The following IMMP2L variants were observed in gnomAD, a reference collection of about 807,000 sequenced individuals.
The protein encoded by IMMP2L is inner mitochondrial membrane peptidase subunit 2, also known as mitochondrial inner membrane protease subunit 2.
A neutral mutation model predicts 19.3 loss-of-function variants in IMMP2L; 18 were observed. The observed-to-expected ratio is 0.93, with a 90% CI of 0.64 to 1.38. The LOEUF is 1.38. Ranked by LOEUF, IMMP2L falls within the 40% of genes most tolerant of loss-of-function variation. The pLI is 0.00. For synonymous variants in IMMP2L, 76 were observed against 73.0 expected, an observed-to-expected ratio of 1.04 and a Z score of -0.21; for missense variants, 233 against 218.2, an observed-to-expected ratio of 1.07 and a Z score of -0.43.
At chr7:111,325,957 A>G (rs951848843) in intron 3 of IMMP2L, among the ~76,000 whole-genome samples, 4 of 151,750 alleles carry the variant, frequency 2.6e-5, no homozygotes, top group Non-Finnish European at 4.4e-5. Flanking sequence ...AGTTTTGCCT[A>G]TAACTGAATT....
At chr7:111,496,909 G>C (rs955225524) in intron 2 of IMMP2L, among the ~76,000 whole-genome samples, 1 of 152,064 alleles carries the variant, frequency 6.6e-6, no homozygotes, top group African/African-American at 2.4e-5. Context: ...TAGATAGATA[G>C]ATAGATAGAT....
intron 3 of IMMP2L, among the ~76,000 whole-genome samples, chr7:111,215,985 T>A (rs1811884439): frequency 6.6e-6 from 1 of 152,200 alleles, no homozygotes; most frequent in African/African-American, 2.4e-5. Flanking sequence ...CTCTTGAAAT[T>A]CATACTTGTT....
intron 3 of IMMP2L, among the ~76,000 whole-genome samples, chr7:111,055,303 A>T (rs893842042): frequency 6.6e-6 from 1 of 152,222 alleles, no homozygotes; most frequent in South Asian, 2.1e-4. Flanking sequence ...TCAGCCTCCC[A>T]AAGTGCTAAG....
chr7:111,263,644 C>A (rs1462420532), intron 3 of IMMP2L, among the ~76,000 whole-genome samples: 1 of 152,028 alleles, frequency 6.6e-6, no homozygotes, highest in Admixed American at 6.6e-5. Flanking sequence ...ATTTTTAAAC[C>A]ACAAGCCTGG....
At chr7:111,371,125 C>G (rs925370975) in intron 3 of IMMP2L, among the ~76,000 whole-genome samples, 1 of 151,880 alleles carries the variant, frequency 6.6e-6, no homozygotes, top group Non-Finnish European at 1.5e-5. Context: ...TAAGGAAGAA[C>G]AGAATATAGC....
chr7:110,728,237 G>A lies in IMMP2L; in HGVS notation c.409-64516C>T, dbSNP rs1031387347. On this transcript the variant is annotated intron_variant, in intron 5 of 5. Coordinates refer to ENST00000405709, the MANE Select transcript of IMMP2L (RefSeq NM_032549.4). This position sits in a 1 kb window ranked among gnomAD's most constrained non-coding sequence, Gnocchi z 4.6. ...AAGGCGACTGGGAGTGGTGGTTCACGCCTGTAATCCCAGCAGGTTGGGAAG... is the reference window on the plus strand; with the variant it reads ...AAGGCGACTGGGAGTGGTGGTTCACACCTGTAATCCCAGCAGGTTGGGAAG... Among the ~76,000 whole-genome samples the A allele has an allele frequency of 3.3e-5, 5 of 152,116 alleles. No homozygotes were observed. The highest frequency in any genetic ancestry group is 1.2e-4 in the African/African-American group (5 of 41,432).
chr7:110,902,673 C>T (rs1461814028), intron 4 of IMMP2L, among the ~76,000 whole-genome samples: 1 of 38,118 alleles, frequency 2.6e-5, no homozygotes, highest in Non-Finnish European at 4.4e-5. Flanking sequence ...GCCTGTAATC[C>T]CAGCACTTTG....
At chr7:111,536,206 A>C (rs771647717) in intron 1 of IMMP2L, among the ~76,000 whole-genome samples, 1 of 152,182 alleles carries the variant, frequency 6.6e-6, no homozygotes, top group Non-Finnish European at 1.5e-5. Flanking sequence ...TCAAAAGGTA[A>C]ATCAGGTAAT....
chr7:111,354,480 G>A (rs996277111), intron 3 of IMMP2L, among the ~76,000 whole-genome samples: 8 of 151,342 alleles, frequency 5.3e-5, no homozygotes, highest in Non-Finnish European at 7.4e-5. Flanking sequence ...GGAGCCTAAG[G>A]GAAATATTAC....
chr7:111,221,425 T>C (rs751255427), intron 3 of IMMP2L, among the ~76,000 whole-genome samples: 26 of 152,016 alleles, frequency 1.7e-4, no homozygotes, highest in African/African-American at 3.9e-4. Flanking sequence ...ATTTCAAAAG[T>C]AGCTTGTTTT....
intron 3 of IMMP2L, among the ~76,000 whole-genome samples, chr7:111,241,368 T>A (rs1042425212): frequency 6.6e-6 from 1 of 152,010 alleles, no homozygotes; most frequent in Non-Finnish European, 1.5e-5. Context: ...TGATTTGCTT[T>A]GTAAAAATTT....
chr7:110,827,479 C>T (rs1803602152), intron 5 of IMMP2L, among the ~76,000 whole-genome samples: 1 of 152,188 alleles, frequency 6.6e-6, no homozygotes. Flanking sequence ...GCCTGAGCCC[C>T]ATGATGAGGA....
intron 1 of IMMP2L, among the ~76,000 whole-genome samples, chr7:111,558,302 G>A (rs753373164): frequency 2.0e-5 from 3 of 152,160 alleles, no homozygotes; most frequent in Non-Finnish European, 4.4e-5. Context: ...AATACCATGG[G>A]TAGTTCCCCT....
intron 5 of IMMP2L, among the ~76,000 whole-genome samples, chr7:110,759,995 T>C (rs1022650063): frequency 6.6e-6 from 1 of 152,132 alleles, no homozygotes; most frequent in Non-Finnish European, 1.5e-5. Flanking sequence ...TCCAGCACTT[T>C]CTGAGGAGAA....
intron 3 of IMMP2L, among the ~76,000 whole-genome samples, chr7:111,168,260 T>C (rs2129608410): frequency 6.6e-6 from 1 of 152,066 alleles, no homozygotes; most frequent in East Asian, 1.9e-4. Context: ...GATTGTTTTT[T>C]ACTTGTGGGC....
At position 110,924,374 on chromosome 7, in the gene IMMP2L, A is replaced by AT. The variant is rs1814623688; in HGVS notation, c.306-37680dup. On this transcript the variant is annotated intron_variant, in intron 4 of 5. Coordinates refer to ENST00000405709, the MANE Select transcript of IMMP2L (RefSeq NM_032549.4). This position sits in a 1 kb window ranked among gnomAD's most constrained non-coding sequence, Gnocchi z 4.2. The stretch of plus-strand genomic sequence containing the variant: ...TTCTAAGAAGTCCTCTGGAGGTTCC[A>AT]TTTCAGCGCTACCTTTGCCAACGGA... 6.6e-6 allele frequency among the ~76,000 whole-genome samples: 1 copy of AT among 152,060 alleles called. No individual in the cohort carries two copies. Among genetic ancestry groups the AT allele is most frequent in the South Asian group, 2.1e-4 (1 of 4,818 alleles).
intron 3 of IMMP2L, among the ~76,000 whole-genome samples, chr7:111,122,170 T>C (rs1245968470): frequency 3.3e-5 from 5 of 151,920 alleles, no homozygotes; most frequent in Non-Finnish European, 5.9e-5. Flanking sequence ...CATGTATACA[T>C]ATGTAACAAA....
intron 5 of IMMP2L, among the ~76,000 whole-genome samples, chr7:110,800,225 T>G (rs1418026059): frequency 6.6e-6 from 1 of 151,966 alleles, no homozygotes; most frequent in Non-Finnish European, 1.5e-5. Context: ...TGTGAGAAAG[T>G]ATCAAGAGGG....
intron 5 of IMMP2L, among the ~76,000 whole-genome samples, chr7:110,866,082 T>G (rs1430120898): frequency 6.6e-6 from 1 of 152,120 alleles, no homozygotes; most frequent in African/African-American, 2.4e-5. Context: ...TTTAAAGACA[T>G]GATTGACATT....
Sources: gnomAD v4.1 joint callset for allele counts (sites outside exome capture counted in the v4.1 genomes callset) on GRCh38, gnomAD v4.1.1 for gene constraint, Gnocchi (gnomAD v3.1) non-coding constraint, MANE v1.5 for transcripts, NCBI Gene and HGNC (gene_info 2026-07-23, HGNC 2026-07-21) for gene names.